Variants in WDR35 observed in about 807,000 individuals in gnomAD.
WDR35 encodes the protein WD repeat domain 35, also known as WD repeat-containing protein 35.
Under a neutral mutation model 158.3 loss-of-function variants are expected in WDR35, and 118 were observed. The ratio of observed to expected loss-of-function variants is 0.75; its 90% CI spans 0.64 to 0.87. WDR35 has a LOEUF of 0.87. Among genes scored for constraint, WDR35 ranks in the 40% least tolerant of loss-of-function variants. The pLI is 0.00. For synonymous variants in WDR35, 448 were observed against 476.1 expected (o/e 0.94, Z 0.77); for missense variants, 1,263 against 1,405.8 (o/e 0.90, Z 1.62).
chr2:19,935,513 C>T lies in WDR35; in HGVS notation c.2505G>A (p.Glu835=). 6.2e-7 allele frequency: 1 copy of T among 1,613,188 alleles called. No homozygotes were observed. The highest frequency in any genetic ancestry group is 1.1e-5 in the South Asian group (1 of 91,002). ...YYMLEDYEGL[E]NLAISLPENH... ...TTTCTGGAAGTGAAATGGCAAGGTT[C>T]TCTAACCCTTCATAATCCTCTAACA... is the stretch of plus-strand genomic sequence containing the variant. Residue 835 remains glutamate, a synonymous_variant, in exon 21 of 27, where the codon GAG becomes GAA. Transcript: ENST00000281405.
chr2:19,913,563 C>T lies in WDR35; in HGVS notation c.3508G>A (p.Gly1170Arg). Reference sequence around the variant, plus strand: ...ATATACAGTTTATCATTCCTTTATCCCACTGGACTATGGCATAAGGGGCAG... The same window carrying T: ...ATATACAGTTTATCATTCCTTTATCTCACTGGACTATGGCATAAGGGGCAG... ...SFCPLCHSPVG is the reference protein window; with the variant it reads ...SFCPLCHSPVR The change falls in exon 27 of 27, where the codon GGA becomes AGA. Residue 1170 changes from glycine to arginine, a missense_variant. Transcript: ENST00000281405. The T allele has an allele frequency of 1.2e-6, 2 of 1,613,800 alleles. No homozygotes were observed. Among genetic ancestry groups the T allele is most frequent in the Non-Finnish European group, 1.7e-6 (2 of 1,179,886 alleles).
chr2:19,988,859 AG>A (rs1364619125), intron 2 of WDR35, among the ~76,000 whole-genome samples: 4 of 152,254 alleles, frequency 2.6e-5, no homozygotes, highest in African/African-American at 9.6e-5. Flanking sequence ...GTTGACTCAC[AG>A]GATTTCTTTT....
At chr2:19,965,002 C>T (rs190141454) in intron 10 of WDR35, among the ~76,000 whole-genome samples, 3 of 152,084 alleles carry the variant, frequency 2.0e-5, no homozygotes, top group Admixed American at 6.5e-5. Context: ...TGGCTCACTG[C>T]AACCTCTGCC....
Position 19,973,920 on chromosome 2 carries a change from C to A in WDR35, c.737-212G>T, listed in dbSNP as rs571403865. 9.9e-5 allele frequency among the ~76,000 whole-genome samples: 15 copies of A among 151,788 alleles called. No individual in the cohort carries two copies. In the East Asian group the frequency reaches 2.7e-3, roughly 28 times the overall value. On this transcript the variant is annotated intron_variant, in intron 7 of 26. Transcript: ENST00000281405. ...TCCAGGAGTTCAAGATCGGCCTGGGCAACATGGTGAAACCCTGTCTCTACG... is the reference window on the plus strand; with the variant it reads ...TCCAGGAGTTCAAGATCGGCCTGGGAAACATGGTGAAACCCTGTCTCTACG...
At chr2:19,931,925 T>G (rs1670538980) in intron 23 of WDR35, among the ~76,000 whole-genome samples, 1 of 152,136 alleles carries the variant, frequency 6.6e-6, no homozygotes, top group African/African-American at 2.4e-5. Flanking sequence ...ATAAATATTA[T>G]GTAAAGCGTA....
intron 25 of WDR35, among the ~76,000 whole-genome samples, chr2:19,927,221 C>G (rs900893895): frequency 6.6e-6 from 1 of 152,194 alleles, no homozygotes; most frequent in Non-Finnish European, 1.5e-5. Context: ...GATGCTGTTA[C>G]ACAGCTTTCT....
In WDR35 at chr2:19,978,735, C is replaced by T. The variant is rs1350584105; in HGVS notation, c.436+16G>A. On this transcript the variant is annotated intron_variant, in intron 5 of 26. Coordinates refer to ENST00000281405, the MANE Select transcript of WDR35 (RefSeq NM_020779.4). ...CCAGATATTGATCTTAGTTCTATGTCCAATCAATACATTACCATCCACTGA... is the reference window on the plus strand; with the variant it reads ...CCAGATATTGATCTTAGTTCTATGTTCAATCAATACATTACCATCCACTGA... The T allele has an allele frequency of 6.2e-7, 1 of 1,613,494 alleles. No homozygotes were observed.
At position 19,969,573 on chromosome 2, in the gene WDR35, T is replaced by C. The variant is rs201452123; in HGVS notation, c.915A>G (p.Glu305=). 6.2e-7 allele frequency: 1 copy of C among 1,613,936 alleles called. No individual in the cohort carries two copies. The highest frequency in any genetic ancestry group is 1.3e-5 in the African/African-American group (1 of 75,036). Residue 305 remains glutamate, a synonymous_variant, in exon 9 of 27, where the codon GAA becomes GAG. Coordinates refer to ENST00000281405, the MANE Select transcript of WDR35 (RefSeq NM_020779.4). ...HLGTLKVPGK[E]ISALSWEGGG... ...CTCCTTCCCAAGATAGTGCAGATAT[T>C]TCCTTTCCAGGAACTTTCAAAGTAC... is the stretch of plus-strand genomic sequence containing the variant.
chr2:19,980,404 A>T (rs1672347887), intron 4 of WDR35, among the ~76,000 whole-genome samples: 1 of 152,210 alleles, frequency 6.6e-6, no homozygotes, highest in Admixed American at 6.5e-5. Context: ...ATCTGGAAAA[A>T]AAAAAAGACT....
In WDR35 at chr2:19,931,355, A is replaced by G; in HGVS notation, c.2878T>C (p.Tyr960His). ...TCTATAAGTAAGGCTGACAGTACAT[A>G]GAGCTTCTTGACACGTAAAGGTTTA... ...GSKPLRVKKL[Y>H]VLSALLIEQY... The change falls in exon 24 of 27, where the codon TAT (tyrosine) becomes CAT (histidine). Residue 960 changes from tyrosine (Y) to histidine (H), a missense_variant. Coordinates refer to ENST00000281405, the MANE Select transcript of WDR35 (RefSeq NM_020779.4). 1 of 1,613,474 alleles carries G rather than the reference A, an allele frequency of 6.2e-7. No individual in the cohort carries two copies. The highest frequency in any genetic ancestry group is 8.5e-7 in the Non-Finnish European group (1 of 1,179,694).
At chr2:19,977,648 AG>A (rs1419705076) in intron 5 of WDR35, among the ~76,000 whole-genome samples, 1 of 151,962 alleles carries the variant, frequency 6.6e-6, no homozygotes, top group African/African-American at 2.4e-5. Context: ...ATGTTTCTAA[AG>A]AACAATCTTA....
chr2:19,913,777 C>T, intron 26 of WDR35, 69 bp from the exon 27 acceptor site: 1 of 1,584,568 alleles, frequency 6.3e-7, no homozygotes, highest in Non-Finnish European at 8.6e-7. Context: ...ATTTAATACA[C>T]TTAAAAAAAA....
chr2:19,966,574 A>C (rs918374280), intron 10 of WDR35, 150 bp downstream of exon 10: 3 of 806,968 alleles, frequency 3.7e-6, no homozygotes, highest in Non-Finnish European at 5.8e-6. Flanking sequence ...ATGGAGTCAC[A>C]GAGTTTTCCA....
rs117674634 is a variant in WDR35 at position 19,924,193 on chromosome 2, G to T, written c.3121+6203C>A. On this transcript the variant is annotated intron_variant, in intron 25 of 26. Transcript: ENST00000281405. ...AATCCCTTTATGTGGAGAACAATAC[G>T]CTTCCTTTAGTGCTATAAAACAGGG... Among the ~76,000 whole-genome samples, 373 of 152,254 alleles carry T rather than the reference G, an allele frequency of 2.4e-3. 6 individuals carry two copies. The East Asian group carries it at 0.036, about 15-fold the overall frequency.
intron 25 of WDR35, among the ~76,000 whole-genome samples, chr2:19,924,028 G>A (rs1156795787): frequency 5.3e-5 from 8 of 152,086 alleles, no homozygotes; most frequent in Non-Finnish European, 7.4e-5. Flanking sequence ...TGCTTGCAAC[G>A]CCCAGGCCCA....
intron 5 of WDR35, among the ~76,000 whole-genome samples, chr2:19,978,195 GACACACAC>G (rs3039208): frequency 6.8e-6 from 1 of 146,704 alleles, no homozygotes; most frequent in Non-Finnish European, 1.5e-5. Flanking sequence ...CACACACACA[GACACACAC>G]ACACACACAC....
intron 20 of WDR35, 101 bp from the exon 21 acceptor site, chr2:19,935,704 A>T: frequency 1.5e-6 from 2 of 1,337,600 alleles, no homozygotes; most frequent in Non-Finnish European, 2.1e-6. Flanking sequence ...TCCCAGTACT[A>T]GTATTACTGT....
chr2:19,978,738 A>G lies in WDR35; in HGVS notation c.436+13T>C. The G allele has an allele frequency of 6.2e-7, 1 of 1,613,668 alleles. No homozygotes were observed. Among genetic ancestry groups the G allele is most frequent in the Non-Finnish European group, 8.5e-7 (1 of 1,179,762 alleles). Reference sequence around the variant, plus strand: ...GATATTGATCTTAGTTCTATGTCCAATCAATACATTACCATCCACTGAACC... The same window carrying G: ...GATATTGATCTTAGTTCTATGTCCAGTCAATACATTACCATCCACTGAACC... On this transcript the variant is annotated intron_variant, in intron 5 of 26. Coordinates refer to ENST00000281405, the MANE Select transcript of WDR35 (RefSeq NM_020779.4).
intron 11 of WDR35, among the ~76,000 whole-genome samples, chr2:19,958,938 G>C (rs1005278492): frequency 3.3e-5 from 5 of 152,148 alleles, no homozygotes; most frequent in Non-Finnish European, 5.9e-5. Context: ...AAGAGGAAGA[G>C]TAGGTGGCAA....
Sources: allele counts gnomAD v4.1 joint callset (sites outside exome capture counted in the v4.1 genomes callset), GRCh38; gene constraint gnomAD v4.1.1; transcripts MANE v1.5; gene names NCBI Gene and HGNC (gene_info 2026-07-23, HGNC 2026-07-21).